Variants in RILPL1 observed in about 807,000 individuals in gnomAD.
RILPL1 encodes Rab interacting lysosomal protein like 1, also known as RILP-like protein 1.
RILPL1 carries 33 observed loss-of-function variants against 50.3 expected under a neutral mutation model. The observed-to-expected ratio is 0.66, with a 90% CI of 0.50 to 0.88. The LOEUF is 0.88. RILPL1 is among the 40% of genes least tolerant of loss of function. The pLI, the probability that RILPL1 is intolerant of heterozygous loss-of-function variation, is 0.00. For synonymous variants in RILPL1, 205 were observed against 228.6 expected (o/e 0.90, Z 0.93); for missense variants, 418 against 542.5 (o/e 0.77, Z 2.28).
chr12:123,505,561 T>C (rs1043580643), intron 2 of RILPL1, among the ~76,000 whole-genome samples: 1 of 152,128 alleles, frequency 6.6e-6, no homozygotes, highest in Non-Finnish European at 1.5e-5. Context: ...CAAGCAATCC[T>C]CCCACCTGAG....
chr12:123,488,137 A>G (rs1248644621), intron 4 of RILPL1, among the ~76,000 whole-genome samples: 1 of 151,962 alleles, frequency 6.6e-6, no homozygotes, highest in Non-Finnish European at 1.5e-5. Context: ...GTCCTTCCCA[A>G]CCTCAAGAAA....
At chr12:123,507,382 G>C (rs187874869) in intron 2 of RILPL1, among the ~76,000 whole-genome samples, 1 of 151,846 alleles carries the variant, frequency 6.6e-6, no homozygotes, top group Non-Finnish European at 1.5e-5. Context: ...CTGCAATACA[G>C]GGAGACCTCG....
chr12:123,480,832 A>G (rs1284447736), intron 6 of RILPL1, among the ~76,000 whole-genome samples: 1 of 152,046 alleles, frequency 6.6e-6, no homozygotes, highest in Non-Finnish European at 1.5e-5. Context: ...TAGCACTCTG[A>G]TATTGCTTGG....
chr12:123,476,635 A>G (rs990478342), intron 6 of RILPL1, among the ~76,000 whole-genome samples: 1 of 152,016 alleles, frequency 6.6e-6, no homozygotes, highest in Non-Finnish European at 1.5e-5. Flanking sequence ...AGGACTGCCA[A>G]AGACCCCCAG....
intron 6 of RILPL1, among the ~76,000 whole-genome samples, chr12:123,482,893 G>A (rs1475678252): frequency 6.6e-6 from 1 of 152,042 alleles, no homozygotes; most frequent in Non-Finnish European, 1.5e-5. Flanking sequence ...GTGAGCTACC[G>A]CACCCAGCCC....
intron 6 of RILPL1, among the ~76,000 whole-genome samples, chr12:123,481,559 CTTTT>C (rs113872165): frequency 1.4e-5 from 2 of 141,912 alleles, no homozygotes; most frequent in African/African-American, 2.6e-5. Context: ...AATTTGTTTT[CTTTT>C]TTTTTTTTTT....
chr12:123,532,207 A>G (rs1332706642), intron 1 of RILPL1, among the ~76,000 whole-genome samples: 1 of 152,226 alleles, frequency 6.6e-6, no homozygotes, highest in African/African-American at 2.4e-5. Flanking sequence ...TCCCTCAAGG[A>G]AAGGTGTTTC....
In RILPL1 at chr12:123,533,393, G is replaced by A; in HGVS notation, c.90C>T (p.Ile30=). The A allele has an allele frequency of 6.4e-7, 1 of 1,558,130 alleles. No homozygotes were observed. The change falls in exon 1 of 7, where the codon ATC becomes ATT. Residue 30 remains isoleucine (I), a synonymous_variant. Coordinates refer to ENST00000376874, the MANE Select transcript of RILPL1 (RefSeq NM_178314.5). This position sits in a 1 kb window ranked among gnomAD's most constrained non-coding sequence, Gnocchi z 6.2. ...CGAACTCGTGGCCCACAAGCGACGC[G>A]ATGTCGTACACGTCCATGACGGTCA... The part of the protein sequence containing the change: ...AELTVMDVYD[I]ASLVGHEFER...
chr12:123,484,137 C>T lies in RILPL1; in HGVS notation c.1067+43G>A, dbSNP rs73412256. The T allele has an allele frequency of 0.012, 16,126 of 1,328,512 alleles. 806 individuals are homozygous for T. In the African/African-American group the frequency reaches 0.14, roughly 12 times the overall value. 82.3% of individuals were successfully genotyped at this position (1,328,512 alleles called of 1,614,324 possible). A position where few individuals can be genotyped will look rare whatever the true frequency, so the allele number is the denominator to read the frequency against. On this transcript the variant is annotated intron_variant, in intron 6 of 6. Coordinates refer to ENST00000376874, the MANE Select transcript of RILPL1 (RefSeq NM_178314.5). Reference sequence around the variant, plus strand: ...AGGAAAAGTCAAAGGACACGTGAACCGCCAGGTCAGCCGAGCGCAGAAGCT... The same window carrying T: ...AGGAAAAGTCAAAGGACACGTGAACTGCCAGGTCAGCCGAGCGCAGAAGCT...
In RILPL1 at chr12:123,472,384, T is replaced by G. The variant is rs1331277421; in HGVS notation, c.*154A>C. On this transcript the variant is annotated 3_prime_UTR_variant, in exon 7 of 7. Coordinates refer to ENST00000376874, the MANE Select transcript of RILPL1 (RefSeq NM_178314.5). ...TTAGAGTTTGGCGTCAGTTTTTCAA[T>G]GTCCATCCTCAAATCAGACAGTCTG... 4.0e-6 allele frequency: 3 copies of G among 744,138 alleles called. No homozygotes were observed. The highest frequency in any genetic ancestry group is 6.4e-6 in the Non-Finnish European group (3 of 466,494). The allele number at this position is 744,138 out of a possible 1,614,324, so 46.1% of individuals were successfully genotyped here. A position where few individuals can be genotyped will look rare whatever the true frequency, so the allele number is the denominator to read the frequency against.
intron 4 of RILPL1, among the ~76,000 whole-genome samples, chr12:123,488,990 C>G (rs1882522548): frequency 6.6e-6 from 1 of 152,196 alleles, no homozygotes; most frequent in Non-Finnish European, 1.5e-5. Flanking sequence ...TCCGGAACCA[C>G]CCGGCAGCCA....
At chr12:123,514,636 G>T (rs1884588909) in intron 2 of RILPL1, among the ~76,000 whole-genome samples, 1 of 151,938 alleles carries the variant, frequency 6.6e-6, no homozygotes, top group South Asian at 2.1e-4. Context: ...ATGTTGGCCA[G>T]GCTGGTCTCC....
rs564499166 is a variant in RILPL1, at chr12:123,481,153, T to TA, written c.1067+3026dup. Among the ~76,000 whole-genome samples the TA allele has an allele frequency of 6.6e-5, 10 of 152,128 alleles. No homozygotes were observed. The South Asian group carries it at 2.1e-3, about 32-fold the overall frequency. ...GGGTGGATCACCTGAAGTCAGGAGT[T>TA]AGAGACCAGCCTGGCCAACATGGTG... is the stretch of plus-strand genomic sequence containing the variant. On this transcript the variant is annotated intron_variant, in intron 6 of 6. Transcript: ENST00000376874.
chr12:123,478,503 C>T (rs1881747469), intron 6 of RILPL1, among the ~76,000 whole-genome samples: 1 of 140,328 alleles, frequency 7.1e-6, no homozygotes, highest in African/African-American at 2.6e-5. Flanking sequence ...AGACTCAAAC[C>T]AAATGAAGTT....
In RILPL1 at chr12:123,533,423, G is replaced by C. The variant is rs1458052742; in HGVS notation, c.60C>G (p.Ala20=). The C allele has an allele frequency of 6.5e-7, 1 of 1,541,972 alleles. No homozygotes were observed. Among genetic ancestry groups the C allele is most frequent in the Non-Finnish European group, 8.8e-7 (1 of 1,142,580 alleles). ...CGTACACGTCCATGACGGTCAGCTC[G>C]GCCACGTTCTTCTCCAGCGCCGACT... ...AAESALEKNV[A]ELTVMDVYDI... is the part of the protein sequence containing the mutation. The change falls in exon 1 of 7, where the codon GCC becomes GCG. Residue 20 remains alanine (A), a synonymous_variant. Coordinates refer to ENST00000376874, the MANE Select transcript of RILPL1 (RefSeq NM_178314.5). This position sits in a 1 kb window ranked among gnomAD's most constrained non-coding sequence, Gnocchi z 6.2.
intron 1 of RILPL1, among the ~76,000 whole-genome samples, chr12:123,527,663 A>G (rs145524108): frequency 6.6e-6 from 1 of 151,922 alleles, no homozygotes; most frequent in African/African-American, 2.4e-5. Context: ...ACTGTGTCTC[A>G]AAAAAAAGAG....
intron 6 of RILPL1, among the ~76,000 whole-genome samples, chr12:123,477,815 A>G (rs1274086529): frequency 6.6e-6 from 1 of 151,974 alleles, no homozygotes; most frequent in Non-Finnish European, 1.5e-5. Context: ...GGGTGCCCAC[A>G]AAGATACAGT....
chr12:123,504,320 T>G (rs961387602), intron 2 of RILPL1, among the ~76,000 whole-genome samples: 1 of 151,588 alleles, frequency 6.6e-6, no homozygotes, highest in Non-Finnish European at 1.5e-5. Context: ...TTGGCATGAC[T>G]TTCCCCCCCG....
intron 1 of RILPL1, among the ~76,000 whole-genome samples, chr12:123,527,877 G>C (rs142573183): frequency 1.1e-3 from 171 of 152,290 alleles, no homozygotes; most frequent in African/African-American, 3.8e-3. Flanking sequence ...GGAAGGCAAA[G>C]AAATGGATCC....
Sources: allele counts gnomAD v4.1 joint callset (sites outside exome capture counted in the v4.1 genomes callset), GRCh38; gene constraint gnomAD v4.1.1; non-coding constraint Gnocchi (gnomAD v3.1); transcripts MANE v1.5; gene names NCBI Gene and HGNC (gene_info 2026-07-23, HGNC 2026-07-21).